The following CNTNAP2 variants were observed in gnomAD, a reference collection of about 807,000 sequenced individuals.
CNTNAP2 encodes the protein contactin associated protein 2.
Under a neutral mutation model 155.2 loss-of-function variants are expected in CNTNAP2, and 98 were observed. That is an observed-to-expected ratio of 0.63 (90% confidence interval 0.54 to 0.75). The LOEUF is 0.75. CNTNAP2 is among the 30% of genes least tolerant of loss of function. The pLI, the probability that CNTNAP2 is intolerant of heterozygous loss-of-function variation, is 0.00. For missense variants in CNTNAP2, 1,727 were observed against 1,688.1 expected, an observed-to-expected ratio of 1.02 and a Z score of -0.40; for synonymous variants, 651 against 631.2, an observed-to-expected ratio of 1.03 and a Z score of -0.47.
intron 1 of CNTNAP2, among the ~76,000 whole-genome samples, chr7:146,665,800 A>AAAAAAAAAAAAAAAC (rs1563179456): frequency 3.5e-5 from 5 of 144,796 alleles, no homozygotes; most frequent in African/African-American, 1.3e-4. Context: ...AAAAAAAAAT[A>AAAAAAAAAAAAAAAC]CATTTTGTAA....
chr7:147,807,986 TA>T (rs59556780), intron 13 of CNTNAP2, among the ~76,000 whole-genome samples: 127 of 146,516 alleles, frequency 8.7e-4, no homozygotes, highest in Middle Eastern at 3.8e-3. Flanking sequence ...CTTTCTTTTT[TA>T]AAAAAAAAAA....
intron 1 of CNTNAP2, among the ~76,000 whole-genome samples, chr7:146,456,622 T>C (rs77317397): frequency 0.027 from 4,171 of 152,270 alleles, 140 homozygotes; most frequent in African/African-American, 0.074. Flanking sequence ...GAGTTTTAAT[T>C]TTTAATTAAT....
intron 1 of CNTNAP2, among the ~76,000 whole-genome samples, chr7:146,721,440 T>C (rs536469080): frequency 2.3e-4 from 29 of 126,798 alleles, no homozygotes; most frequent in African/African-American, 9.2e-4. Flanking sequence ...ATATATTCTA[T>C]ATATACATTC....
At chr7:147,710,987 G>A (rs1796393328) in intron 13 of CNTNAP2, among the ~76,000 whole-genome samples, 1 of 152,132 alleles carries the variant, frequency 6.6e-6, no homozygotes, top group Admixed American at 6.5e-5. Context: ...CGAAGCTGTT[G>A]TAGGGTTCAT....
At chr7:146,385,054 T>C (rs1283767152) in intron 1 of CNTNAP2, among the ~76,000 whole-genome samples, 5 of 152,164 alleles carry the variant, frequency 3.3e-5, no homozygotes, top group Admixed American at 3.3e-4. Context: ...TCAATCAAAG[T>C]GGCGCAGCAT....
intron 14 of CNTNAP2, among the ~76,000 whole-genome samples, chr7:147,907,944 T>C (rs1799994083): frequency 6.6e-6 from 1 of 151,434 alleles, no homozygotes; most frequent in African/African-American, 2.4e-5. Context: ...TAATTTTTTT[T>C]TTTTTGTATT....
intron 2 of CNTNAP2, among the ~76,000 whole-genome samples, chr7:146,832,107 A>G (rs1434024652): frequency 1.3e-5 from 2 of 152,158 alleles, no homozygotes; most frequent in African/African-American, 4.8e-5. Context: ...CATAGATCAC[A>G]TGACCTCCTT....
chr7:147,055,675 T>C (rs1799548668), intron 4 of CNTNAP2, among the ~76,000 whole-genome samples: 1 of 152,164 alleles, frequency 6.6e-6, no homozygotes. Context: ...AATCAGACAC[T>C]GCGGGAGGCA....
intron 8 of CNTNAP2, among the ~76,000 whole-genome samples, chr7:147,158,226 AT>A (rs1801962421): frequency 6.6e-6 from 1 of 152,112 alleles, no homozygotes; most frequent in African/African-American, 2.4e-5. Context: ...GTAAATTAAA[AT>A]TTCATGGACC....
rs61319652 is a variant in CNTNAP2 at position 147,341,070 on chromosome 7, T to TTGTGTGTGTGTGTGTGTGTG, written c.1498+40782_1498+40801dup. 1.3e-4 allele frequency among the ~76,000 whole-genome samples: 20 copies of TTGTGTGTGTGTGTGTGTGTG among 148,882 alleles called. No individual in the cohort carries two copies. In the South Asian group the frequency reaches 2.1e-3, roughly 16 times the overall value. Reference sequence around the variant, plus strand: ...GCCTGCCTCTTCCAGCATTGTGTGTTTGTGTGTGTGTGTGTGTGTGTATAT... The same window carrying TTGTGTGTGTGTGTGTGTGTG: ...GCCTGCCTCTTCCAGCATTGTGTGTTTGTGTGTGTGTGTGTGTGTGTGTGTGTGTGTGTGTGTGTGTATAT... On this transcript the variant is annotated intron_variant, in intron 9 of 23. Transcript: ENST00000361727.
intron 13 of CNTNAP2, among the ~76,000 whole-genome samples, chr7:147,878,714 G>T (rs902779200): frequency 1.3e-5 from 2 of 152,042 alleles, no homozygotes; most frequent in African/African-American, 4.8e-5. Context: ...ATTTCATTCT[G>T]GAAAGAATAA....
chr7:147,385,947 C>T (rs1250563565), intron 9 of CNTNAP2, among the ~76,000 whole-genome samples: 5 of 152,244 alleles, frequency 3.3e-5, no homozygotes, highest in Non-Finnish European at 7.3e-5. Context: ...CATTTCCATA[C>T]ATCCTCTGAA....
intron 16 of CNTNAP2, among the ~76,000 whole-genome samples, chr7:148,134,058 G>A (rs1804887259): frequency 6.6e-6 from 1 of 152,178 alleles, no homozygotes; most frequent in African/African-American, 2.4e-5. Flanking sequence ...CTAGAGAAAT[G>A]ACCCACCGCC....
intron 12 of CNTNAP2, among the ~76,000 whole-genome samples, chr7:147,616,078 T>G (rs112322103): frequency 2.0e-5 from 3 of 152,232 alleles, no homozygotes; most frequent in African/African-American, 7.2e-5. Flanking sequence ...TTCCCCCTGA[T>G]AGGTCTCATC....
chr7:147,805,477 G>A (rs1175825935), intron 13 of CNTNAP2, among the ~76,000 whole-genome samples: 1 of 152,222 alleles, frequency 6.6e-6, no homozygotes, highest in Non-Finnish European at 1.5e-5. Context: ...TAAAAGTGGA[G>A]AAAGTGGGCA....
intron 13 of CNTNAP2, among the ~76,000 whole-genome samples, chr7:147,810,576 A>G (rs996408423): frequency 5.3e-5 from 8 of 152,190 alleles, no homozygotes; most frequent in African/African-American, 1.9e-4. Flanking sequence ...AATTTAATGC[A>G]TACTTGCTGA....
chr7:148,279,602 C>A (rs566517651), intron 21 of CNTNAP2, among the ~76,000 whole-genome samples: 2 of 152,170 alleles, frequency 1.3e-5, no homozygotes, highest in Non-Finnish European at 2.9e-5. Context: ...TATCAGAAAC[C>A]GAACACCACC....
intron 12 of CNTNAP2, among the ~76,000 whole-genome samples, chr7:147,610,013 A>G (rs974047467): frequency 6.6e-6 from 1 of 152,062 alleles, no homozygotes; most frequent in African/African-American, 2.4e-5. Flanking sequence ...GGGTGAGGAC[A>G]ATCAGTGTGT....
intron 13 of CNTNAP2, among the ~76,000 whole-genome samples, chr7:147,852,224 T>C (rs73166241): frequency 0.019 from 2,835 of 152,316 alleles, 46 homozygotes; most frequent in Non-Finnish European, 0.031. Context: ...GCCGCACTTA[T>C]CACAAACACT....
Sources: gnomAD v4.1 joint callset for allele counts (sites outside exome capture counted in the v4.1 genomes callset) on GRCh38, gnomAD v4.1.1 for gene constraint, MANE v1.5 for transcripts, NCBI Gene and HGNC (gene_info 2026-07-23, HGNC 2026-07-21) for gene names.